Variants in ARL8A observed in about 807,000 individuals in gnomAD.
The protein encoded by ARL8A is ADP-ribosylation factor-like protein 8A.
In ARL8A, 10 loss-of-function variants were observed where a neutral mutation model predicts 31.2. The observed-to-expected ratio is 0.32, with a 90% CI of 0.20 to 0.54. The LOEUF (loss-of-function observed/expected upper bound fraction) is 0.54, where lower values mean the gene tolerates loss of function less well. Ranked by LOEUF, ARL8A falls within the 20% of genes least tolerant of loss-of-function variation. The pLI, the probability that ARL8A is intolerant of heterozygous loss-of-function variation, is 0.93. For synonymous variants in ARL8A, 70 were observed against 86.9 expected (o/e 0.81, Z 1.08); for missense variants, 129 against 242.8 (o/e 0.53, Z 3.12).
intron 1 of ARL8A, among the ~76,000 whole-genome samples, chr1:202,143,049 C>A (rs1571723098): frequency 6.6e-6 from 1 of 152,090 alleles, no homozygotes; most frequent in East Asian, 1.9e-4. Context: ...AGAGCCTAGG[C>A]AGACAGAGCC....
At position 202,135,225 on chromosome 1, in the gene ARL8A, G is replaced by A; in HGVS notation, c.441-5C>T. 1.2e-6 allele frequency: 2 copies of A among 1,613,894 alleles called. No homozygotes were observed. The highest frequency in any genetic ancestry group is 1.7e-6 in the Non-Finnish European group (2 of 1,179,750). On this transcript the variant is annotated splice_polypyrimidine_tract_variant and splice_region_variant and intron_variant, in intron 5 of 6. Coordinates refer to ENST00000272217, the MANE Select transcript of ARL8A (RefSeq NM_138795.4). The surrounding 1 kb of genome is among the most constrained non-coding windows in gnomAD (Gnocchi z 5.3). ...TCCTGGATGGCAGACAGATTCCTGG[G>A]GGAAACCAGAGTAGAGTCCGCTGAG...
At position 202,134,366 on chromosome 1, in the gene ARL8A, T is replaced by G. The variant is rs1571718107; in HGVS notation, c.*101A>C. On this transcript the variant is annotated 3_prime_UTR_variant, in exon 7 of 7. Transcript: ENST00000272217. The surrounding 1 kb of genome is among the most constrained non-coding windows in gnomAD (Gnocchi z 4.2). Reference sequence around the variant, plus strand: ...CCCAGAGGGCCCTCCTCACACTGGGTGAGGAGGGGTGGGCTTAGGGGGACG... The same window carrying G: ...CCCAGAGGGCCCTCCTCACACTGGGGGAGGAGGGGTGGGCTTAGGGGGACG... 2.4e-4 allele frequency: 277 copies of G among 1,132,430 alleles called. No homozygotes were observed. Among genetic ancestry groups the G allele is most frequent in the Middle Eastern group, 6.0e-4 (2 of 3,330 alleles). 70.1% of individuals were successfully genotyped at this position (1,132,430 alleles called of 1,614,324 possible). A position where few individuals can be genotyped will look rare whatever the true frequency, so the allele number is the denominator to read the frequency against.
At chr1:202,142,436 C>T (rs1016296289) in intron 1 of ARL8A, among the ~76,000 whole-genome samples, 1 of 152,146 alleles carries the variant, frequency 6.6e-6, no homozygotes, top group African/African-American at 2.4e-5. Context: ...TGATTATACA[C>T]GGGGTGGGCA....
At position 202,135,261 on chromosome 1, in the gene ARL8A, T is replaced by C. The variant is rs754120159; in HGVS notation, c.441-41A>G. On this transcript the variant is annotated intron_variant, in intron 5 of 6. Transcript: ENST00000272217. This position sits in a 1 kb window ranked among gnomAD's most constrained non-coding sequence, Gnocchi z 5.3. Reference sequence around the variant, plus strand: ...GTAGAGTCCGCTGAGGCTACGAACGTCCAGGGGGCCTGGGGCTAGGGGACA... The same window carrying C: ...GTAGAGTCCGCTGAGGCTACGAACGCCCAGGGGGCCTGGGGCTAGGGGACA... The C allele has an allele frequency of 6.3e-7, 1 of 1,588,290 alleles. No individual in the cohort carries two copies. Among genetic ancestry groups the C allele is most frequent in the East Asian group, 2.2e-5 (1 of 44,746 alleles).
intron 3 of ARL8A, among the ~76,000 whole-genome samples, chr1:202,136,584 T>C (rs1235732145): frequency 1.3e-5 from 2 of 151,472 alleles, no homozygotes; most frequent in African/African-American, 4.9e-5. Context: ...CAGCCTATTA[T>C]TTTCTGAGGC....
At position 202,134,619 on chromosome 1, in the gene ARL8A, G is replaced by A; in HGVS notation, c.512-103C>T. 9.7e-7 allele frequency: 1 copy of A among 1,034,634 alleles called. No individual in the cohort carries two copies. The highest frequency in any genetic ancestry group is 1.5e-6 in the Non-Finnish European group (1 of 657,074). 64.1% of individuals were successfully genotyped at this position (1,034,634 alleles called of 1,614,324 possible). Reference sequence around the variant, plus strand: ...CAAACCTAAGGGTATCAGAAGTCCAGAGATGCCAGGAGGGGTGGCGCACAC... The same window carrying A: ...CAAACCTAAGGGTATCAGAAGTCCAAAGATGCCAGGAGGGGTGGCGCACAC... On this transcript the variant is annotated intron_variant, in intron 6 of 6. Coordinates refer to ENST00000272217, the MANE Select transcript of ARL8A (RefSeq NM_138795.4). The surrounding 1 kb of genome is among the most constrained non-coding windows in gnomAD (Gnocchi z 4.2).
At position 202,135,014 on chromosome 1, in the gene ARL8A, G is replaced by T. The variant is rs920095617; in HGVS notation, c.511+136C>A. On this transcript the variant is annotated intron_variant, in intron 6 of 6. Transcript: ENST00000272217. This position sits in a 1 kb window ranked among gnomAD's most constrained non-coding sequence, Gnocchi z 5.3. The stretch of plus-strand genomic sequence containing the variant: ...AGCTGGGATAGTGCCCAGAATCTGG[G>T]CCACCTGGCTGCCTTTTCTACCCAA... 4 of 816,402 alleles carry T rather than the reference G, an allele frequency of 4.9e-6. No homozygotes were observed. The African/African-American group carries it at 6.9e-5, about 14-fold the overall frequency. The allele number at this position is 816,402 out of a possible 1,614,324, so 50.6% of individuals were successfully genotyped here. A position where few individuals can be genotyped will look rare whatever the true frequency, so the allele number is the denominator to read the frequency against.
Position 202,134,245 on chromosome 1 carries a change from G to A in ARL8A, c.*222C>T, listed in dbSNP as rs150734783. Reference sequence around the variant, plus strand: ...GGCTGGGTGATGGGACAAAGGCAGCGGGGAAGGGTGAGAAGTTAGGGGACC... The same window carrying A: ...GGCTGGGTGATGGGACAAAGGCAGCAGGGAAGGGTGAGAAGTTAGGGGACC... On this transcript the variant is annotated 3_prime_UTR_variant, in exon 7 of 7. Coordinates refer to ENST00000272217, the MANE Select transcript of ARL8A (RefSeq NM_138795.4). The surrounding 1 kb of genome is among the most constrained non-coding windows in gnomAD (Gnocchi z 4.2). 27 of 557,378 alleles carry A rather than the reference G, an allele frequency of 4.8e-5. No homozygotes were observed. Among genetic ancestry groups the A allele is most frequent in the African/African-American group, 1.5e-4 (8 of 52,904 alleles). 34.5% of individuals were successfully genotyped at this position (557,378 alleles called of 1,614,324 possible). A position where few individuals can be genotyped will look rare whatever the true frequency, so the allele number is the denominator to read the frequency against.
Position 202,138,449 on chromosome 1 carries a change from CTG to C in ARL8A, c.124-3_124-2del. The C allele has an allele frequency of 6.2e-7, 1 of 1,613,892 alleles. No homozygotes were observed. On this transcript the variant is annotated splice_acceptor_variant and splice_polypyrimidine_tract_variant and intron_variant, in intron 1 of 6. Coordinates refer to ENST00000272217, the MANE Select transcript of ARL8A (RefSeq NM_138795.4). LOFTEE classifies it high-confidence loss of function. This position sits in a 1 kb window ranked among gnomAD's most constrained non-coding sequence, Gnocchi z 4.4. Reference sequence around the variant, plus strand: ...TCATGTCCTCGTTGAACTGTCCTGACTGGAAAGAAGACTCAGAATGGGAAACA... The same window carrying C: ...TCATGTCCTCGTTGAACTGTCCTGACGAAAGAAGACTCAGAATGGGAAACA...
chr1:202,134,468 C>G lies in ARL8A; in HGVS notation c.560G>C (p.Ter187SerextTer37). 1 of 1,612,962 alleles carries G rather than the reference C, an allele frequency of 6.2e-7. No homozygotes were observed. The highest frequency in any genetic ancestry group is 1.1e-5 in the South Asian group (1 of 91,060). The change falls in exon 7 of 7, where the codon TGA becomes TCA. Residue 187 changes from the stop codon to serine, a stop_lost. Coordinates refer to ENST00000272217, the MANE Select transcript of ARL8A (RefSeq NM_138795.4). The surrounding 1 kb of genome is among the most constrained non-coding windows in gnomAD (Gnocchi z 4.2). ...LIQHSKSRRS[*>S] ...GTCTGAGGGAGAAGGGCTGGAGTCT[C>G]AGCTTCTCCGTGACTTCGAGTGTTG...
In ARL8A at chr1:202,135,914, C is replaced by T; in HGVS notation, c.279-114G>A. On this transcript the variant is annotated intron_variant, in intron 3 of 6. Coordinates refer to ENST00000272217, the MANE Select transcript of ARL8A (RefSeq NM_138795.4). The surrounding 1 kb of genome is among the most constrained non-coding windows in gnomAD (Gnocchi z 5.3). ...AAAGCATCTGTTGCAGCTTGGTCAC[C>T]TCGGGATCCATGGGCTACCTGGCCT... 1.0e-6 allele frequency: 1 copy of T among 985,762 alleles called. No individual in the cohort carries two copies. The allele number at this position is 985,762 out of a possible 1,614,324, so 61.1% of individuals were successfully genotyped here.
At chr1:202,137,425 C>T (rs1285543292) in intron 3 of ARL8A, among the ~76,000 whole-genome samples, 2 of 152,062 alleles carry the variant, frequency 1.3e-5, no homozygotes, top group Non-Finnish European at 1.5e-5. Context: ...GTCGGGAGTT[C>T]AAGACCAGCC....
Position 202,135,537 on chromosome 1 carries a change from G to A in ARL8A, c.373-11C>T. 1 of 1,614,002 alleles carries A rather than the reference G, an allele frequency of 6.2e-7. No homozygotes were observed. Among genetic ancestry groups the A allele is most frequent in the Non-Finnish European group, 8.5e-7 (1 of 1,179,920 alleles). On this transcript the variant is annotated splice_polypyrimidine_tract_variant and intron_variant, in intron 4 of 6. Coordinates refer to ENST00000272217, the MANE Select transcript of ARL8A (RefSeq NM_138795.4). The surrounding 1 kb of genome is among the most constrained non-coding windows in gnomAD (Gnocchi z 5.3). ...ACCCAGGACTAAGACCTACGGAGAA[G>A]GGAGGGTGAGGATGAGGTCTAGGGC...
At position 202,138,294 on chromosome 1, in the gene ARL8A, AACAC is replaced by A. The variant is rs10531175; in HGVS notation, c.204+70_204+73del. The A allele has an allele frequency of 0.09, 119,375 of 1,322,850 alleles. 3,008 individuals are homozygous for A. Among genetic ancestry groups the A allele is most frequent in the East Asian group, 0.31 (13,269 of 42,426 alleles). 81.9% of individuals were successfully genotyped at this position (1,322,850 alleles called of 1,614,324 possible). The stretch of plus-strand genomic sequence containing the variant: ...CCCAGGGGCCTCCGTTGCCCTCCCC[AACAC>A]ACACACACACACACACACACACACA... On this transcript the variant is annotated intron_variant, in intron 2 of 6. Coordinates refer to ENST00000272217, the MANE Select transcript of ARL8A (RefSeq NM_138795.4). This position sits in a 1 kb window ranked among gnomAD's most constrained non-coding sequence, Gnocchi z 4.4.
intron 1 of ARL8A, among the ~76,000 whole-genome samples, chr1:202,142,871 C>T (rs899619259): frequency 9.9e-5 from 15 of 152,244 alleles, no homozygotes; most frequent in African/African-American, 3.4e-4. Flanking sequence ...CCCTGGGGAA[C>T]GAGGAGATAC....
chr1:202,143,329 T>G (rs1173343281), intron 1 of ARL8A, among the ~76,000 whole-genome samples: 1 of 152,224 alleles, frequency 6.6e-6, no homozygotes, highest in African/African-American at 2.4e-5. Flanking sequence ...GCCCATCTTC[T>G]GCAAGGTGGG....
rs1380046397 is a variant in ARL8A at position 202,144,026 on chromosome 1, G to A, written c.123+424C>T. On this transcript the variant is annotated intron_variant, in intron 1 of 6. Coordinates refer to ENST00000272217, the MANE Select transcript of ARL8A (RefSeq NM_138795.4). The surrounding 1 kb of genome is among the most constrained non-coding windows in gnomAD (Gnocchi z 5.2). ...CCAAACCCCCTCCTCAAGCCTCTCG[G>A]CCGCCCCGTCCCGTGACCCTCTACC... Among the ~76,000 whole-genome samples, 1 of 152,210 alleles carries A rather than the reference G, an allele frequency of 6.6e-6. No individual in the cohort carries two copies. The highest frequency in any genetic ancestry group is 1.9e-4 in the East Asian group (1 of 5,182).
rs1654959334 is a variant in ARL8A at position 202,134,826 on chromosome 1, G to A, written c.512-310C>T. Among the ~76,000 whole-genome samples the A allele has an allele frequency of 6.6e-6, 1 of 152,212 alleles. No individual in the cohort carries two copies. Among genetic ancestry groups the A allele is most frequent in the African/African-American group, 2.4e-5 (1 of 41,456 alleles). ...GCAAGCGCCACATGGCCCTGAATGAGTAGTAGCGGAATTCAGGTGCTGGGA... is the reference window on the plus strand; with the variant it reads ...GCAAGCGCCACATGGCCCTGAATGAATAGTAGCGGAATTCAGGTGCTGGGA... On this transcript the variant is annotated intron_variant, in intron 6 of 6. Transcript: ENST00000272217. The surrounding 1 kb of genome is among the most constrained non-coding windows in gnomAD (Gnocchi z 4.2).
chr1:202,135,092 C>T lies in ARL8A; in HGVS notation c.511+58G>A. 2.0e-6 allele frequency: 3 copies of T among 1,511,044 alleles called. No individual in the cohort carries two copies. Among genetic ancestry groups the T allele is most frequent in the Non-Finnish European group, 2.8e-6 (3 of 1,087,088 alleles). 93.6% of individuals were successfully genotyped at this position (1,511,044 alleles called of 1,614,324 possible). ...AAGTTGTGGAGCGAGAACCTGAGAG[C>T]CACTAAAACACTCAGAAATGCCTCT... On this transcript the variant is annotated intron_variant, in intron 6 of 6. Transcript: ENST00000272217. The surrounding 1 kb of genome is among the most constrained non-coding windows in gnomAD (Gnocchi z 5.3).
Sources: gnomAD v4.1 joint callset for allele counts (sites outside exome capture counted in the v4.1 genomes callset) on GRCh38, gnomAD v4.1.1 for gene constraint, Gnocchi (gnomAD v3.1) non-coding constraint, MANE v1.5 for transcripts, NCBI Gene and HGNC (gene_info 2026-07-23, HGNC 2026-07-21) for gene names.